GRM1: variants seen among roughly 807,000 people sequenced by gnomAD.
GRM1 encodes metabotropic glutamate receptor 1.
In GRM1, 33 loss-of-function variants were observed where a neutral mutation model predicts 90.9. The ratio of observed to expected loss-of-function variants is 0.36; its 90% confidence interval spans 0.28 to 0.49. The LOEUF is 0.49. Ranked by LOEUF, GRM1 falls within the 20% of genes least tolerant of loss-of-function variation. The pLI is 0.99. For synonymous variants in GRM1, 700 were observed against 613.2 expected (o/e 1.14, Z -2.09); for missense variants, 1,190 against 1,534.3 (o/e 0.78, Z 3.75).
At chr6:146,210,062 G>A (rs1056571126) in intron 2 of GRM1, among the ~76,000 whole-genome samples, 4 of 152,070 alleles carry the variant, frequency 2.6e-5, no homozygotes, top group South Asian at 4.2e-4. Flanking sequence ...GGATGGGGTC[G>A]AATTATTAGC....
Position 146,399,541 on chromosome 6 carries a change from G to A in GRM1, c.2502G>A (p.Lys834=). The change falls in exon 7 of 8, where the codon AAG becomes AAA. Residue 834 remains lysine (K), a synonymous_variant. Coordinates refer to ENST00000282753, the MANE Select transcript of GRM1 (RefSeq NM_001278064.2). The surrounding 1 kb of genome is among the most constrained non-coding windows in gnomAD (Gnocchi z 5.4). The stretch of plus-strand genomic sequence containing the variant: ...CTCTGGGGTGCATGTTCACTCCCAA[G>A]ATGTACATCATTATTGCCAAGCCTG... ...TVALGCMFTP[K]MYIIIAKPER... 1.2e-6 allele frequency: 2 copies of A among 1,614,100 alleles called. No individual in the cohort carries two copies. Among genetic ancestry groups the A allele is most frequent in the Non-Finnish European group, 1.7e-6 (2 of 1,179,996 alleles).
At chr6:146,144,577 A>G (rs1562490757) in intron 1 of GRM1, among the ~76,000 whole-genome samples, 1 of 152,220 alleles carries the variant, frequency 6.6e-6, no homozygotes, top group African/African-American at 2.4e-5. Flanking sequence ...TTTCTTTATT[A>G]ATTACTCAGT....
intron 2 of GRM1, among the ~76,000 whole-genome samples, chr6:146,269,855 G>A (rs879471810): frequency 2.0e-5 from 3 of 152,060 alleles, no homozygotes; most frequent in Admixed American, 1.3e-4. Context: ...AGAGGACAAA[G>A]TGTGAGAGAA....
chr6:146,426,555 T>C (rs1778218961), intron 7 of GRM1: 1 of 1,611,290 alleles, frequency 6.2e-7, no homozygotes, highest in African/African-American at 1.3e-5. Context: ...TTTTCAATCT[T>C]CAGGAAGAGG....
At chr6:146,090,513 A>G (rs1322798998) in intron 1 of GRM1, among the ~76,000 whole-genome samples, 1 of 152,160 alleles carries the variant, frequency 6.6e-6, no homozygotes, top group Non-Finnish European at 1.5e-5. Flanking sequence ...AAGTTTTTAC[A>G]CTAAAATGCG....
intron 1 of GRM1, among the ~76,000 whole-genome samples, chr6:146,096,801 G>T (rs566803357): frequency 1.3e-5 from 2 of 152,016 alleles, no homozygotes; most frequent in East Asian, 3.9e-4. Flanking sequence ...AGATAGTTTT[G>T]GTTCTCATAA....
At chr6:146,101,117 T>C (rs1321585118) in intron 1 of GRM1, among the ~76,000 whole-genome samples, 1 of 152,116 alleles carries the variant, frequency 6.6e-6, no homozygotes, top group African/African-American at 2.4e-5. Context: ...AGGAGAAATA[T>C]TTACAGTCAC....
At chr6:146,054,465 G>A (rs1775409460) in intron 1 of GRM1, among the ~76,000 whole-genome samples, 1 of 151,998 alleles carries the variant, frequency 6.6e-6, no homozygotes, top group South Asian at 2.1e-4. Context: ...AGCAAGCTCT[G>A]CTTTTCCTGA....
chr6:146,326,248 A>G (rs1784396078), intron 3 of GRM1, among the ~76,000 whole-genome samples: 1 of 152,224 alleles, frequency 6.6e-6, no homozygotes, highest in South Asian at 2.1e-4. Context: ...ACCATGGAAT[A>G]CTATGCAGCC....
At chr6:146,186,550 A>T (rs925173213) in intron 2 of GRM1, among the ~76,000 whole-genome samples, 2 of 152,132 alleles carry the variant, frequency 1.3e-5, no homozygotes, top group African/African-American at 2.4e-5. Flanking sequence ...AAGAGTCCTG[A>T]GTTTACTGGG....
intron 2 of GRM1, among the ~76,000 whole-genome samples, chr6:146,300,044 A>G (rs1229441057): frequency 6.6e-6 from 1 of 152,234 alleles, no homozygotes; most frequent in African/African-American, 2.4e-5. Context: ...AAAGAATGTC[A>G]TATTTGTTTA....
intron 2 of GRM1, among the ~76,000 whole-genome samples, chr6:146,185,463 C>A (rs1183235168): frequency 1.3e-5 from 2 of 152,138 alleles, no homozygotes; most frequent in African/African-American, 4.8e-5. Context: ...TCTCTGTGAC[C>A]CTCTGAAAGA....
At chr6:146,072,588 A>G (rs1364763783) in intron 1 of GRM1, among the ~76,000 whole-genome samples, 2 of 152,214 alleles carry the variant, frequency 1.3e-5, no homozygotes, top group Admixed American at 6.6e-5. Context: ...GGTGTATGAC[A>G]TAATTTGACC....
chr6:146,040,046 A>G (rs1791039670), intron 1 of GRM1, among the ~76,000 whole-genome samples: 1 of 152,014 alleles, frequency 6.6e-6, no homozygotes, highest in South Asian at 2.1e-4. Context: ...GGGATTGCCA[A>G]GGGGGTAAGA....
At chr6:146,402,640 G>A (rs1014495898) in intron 7 of GRM1, among the ~76,000 whole-genome samples, 2 of 152,134 alleles carry the variant, frequency 1.3e-5, no homozygotes, top group African/African-American at 4.8e-5. Flanking sequence ...TGCATGTGTA[G>A]CTATAAACAC....
chr6:146,341,210 A>G (rs1228446209), intron 3 of GRM1, among the ~76,000 whole-genome samples: 1 of 152,092 alleles, frequency 6.6e-6, no homozygotes, highest in Admixed American at 6.5e-5. Context: ...ATGACTAACT[A>G]TGGTCTATTT....
At chr6:146,371,795 C>T (rs997641724) in intron 5 of GRM1, among the ~76,000 whole-genome samples, 1 of 152,078 alleles carries the variant, frequency 6.6e-6, no homozygotes, top group Non-Finnish European at 1.5e-5. Context: ...ATGACTGGAT[C>T]TCATTCTTTT....
At chr6:146,416,716 G>C (rs1346313112) in intron 7 of GRM1, among the ~76,000 whole-genome samples, 1 of 152,062 alleles carries the variant, frequency 6.6e-6, no homozygotes, top group Non-Finnish European at 1.5e-5. Context: ...GCTTCACCTG[G>C]TGCATCCTGT....
At chr6:146,059,855 C>T (rs1775603608) in intron 1 of GRM1, among the ~76,000 whole-genome samples, 1 of 152,168 alleles carries the variant, frequency 6.6e-6, no homozygotes, top group Non-Finnish European at 1.5e-5. Context: ...AACTTTTCTG[C>T]AGAATCTTTC....
Sources: gnomAD v4.1 joint callset for allele counts (sites outside exome capture counted in the v4.1 genomes callset) on GRCh38, gnomAD v4.1.1 for gene constraint, Gnocchi (gnomAD v3.1) non-coding constraint, MANE v1.5 for transcripts, NCBI Gene and HGNC (gene_info 2026-07-23, HGNC 2026-07-21) for gene names.